FOXP2: variants seen among roughly 807,000 people sequenced by gnomAD.
The protein encoded by FOXP2 is forkhead box protein P2.
A neutral mutation model predicts 115.8 loss-of-function variants in FOXP2; 12 were observed. The ratio of observed to expected loss-of-function variants is 0.10; its 90% confidence interval spans 0.07 to 0.17. The LOEUF (loss-of-function observed/expected upper bound fraction) is 0.17, where lower values mean the gene tolerates loss of function less well. FOXP2 is among the 10% of genes least tolerant of loss of function. FOXP2 has a pLI of 1.00. For missense variants in FOXP2, 629 were observed against 843.5 expected, an observed-to-expected ratio of 0.75 and a Z score of 3.15; for synonymous variants, 328 against 297.7, an observed-to-expected ratio of 1.10 and a Z score of -1.05.
chr7:114,536,936 C>T (rs1227578903), intron 3 of FOXP2, among the ~76,000 whole-genome samples: 1 of 151,440 alleles, frequency 6.6e-6, no homozygotes, highest in African/African-American at 2.4e-5. Context: ...AGCTTAGCAA[C>T]TGGAGACACG....
chr7:114,155,285 A>G (rs948267752), intron 1 of FOXP2, among the ~76,000 whole-genome samples: 1 of 152,080 alleles, frequency 6.6e-6, no homozygotes, highest in Non-Finnish European at 1.5e-5. Context: ...ATGCCTCATT[A>G]TATCCTCTTC....
At chr7:114,323,133 A>G (rs972887003) in intron 2 of FOXP2, among the ~76,000 whole-genome samples, 6 of 152,146 alleles carry the variant, frequency 3.9e-5, no homozygotes, top group Non-Finnish European at 7.4e-5. Context: ...GTTTTCTACC[A>G]TCTATGGGTA....
At chr7:114,509,688 A>G (rs902595500) in intron 2 of FOXP2, among the ~76,000 whole-genome samples, 1 of 151,474 alleles carries the variant, frequency 6.6e-6, no homozygotes, top group Admixed American at 6.6e-5. Context: ...GGGCTTGTTA[A>G]TAAGGAGTTC....
chr7:114,212,122 A>AATAATAT (rs67192679), intron 1 of FOXP2, among the ~76,000 whole-genome samples: 5 of 131,016 alleles, frequency 3.8e-5, no homozygotes, highest in Non-Finnish European at 8.0e-5. Flanking sequence ...AATAAAATAA[A>AATAATAT]ATATATATAT....
At chr7:114,575,920 C>A (rs1306168431) in intron 3 of FOXP2, among the ~76,000 whole-genome samples, 1 of 151,724 alleles carries the variant, frequency 6.6e-6, no homozygotes, top group African/African-American at 2.4e-5. Flanking sequence ...TTTATAAAAG[C>A]TGTTTACAGT....
At chr7:114,505,868 A>T (rs538950113) in intron 2 of FOXP2, among the ~76,000 whole-genome samples, 1 of 151,676 alleles carries the variant, frequency 6.6e-6, no homozygotes, top group Non-Finnish European at 1.5e-5. Flanking sequence ...GACCTGCTGT[A>T]TATTTCTATG....
intron 1 of FOXP2, among the ~76,000 whole-genome samples, chr7:114,251,909 A>G (rs1443766712): frequency 6.6e-6 from 1 of 152,186 alleles, no homozygotes; most frequent in African/African-American, 2.4e-5. Context: ...CCCATTCAGT[A>G]TGATATTGGC....
chr7:114,502,947 A>G (rs905689962), intron 2 of FOXP2, among the ~76,000 whole-genome samples: 1 of 152,062 alleles, frequency 6.6e-6, no homozygotes, highest in African/African-American at 2.4e-5. Flanking sequence ...GATGCAAGGG[A>G]AAGGCAAATA....
chr7:114,166,653 C>A (rs1270227082), intron 1 of FOXP2, among the ~76,000 whole-genome samples: 1 of 152,024 alleles, frequency 6.6e-6, no homozygotes, highest in Admixed American at 6.6e-5. Context: ...TGCAATGAAC[C>A]AAGATTGCGC....
chr7:114,404,116 G>T (rs1411733519), intron 2 of FOXP2, among the ~76,000 whole-genome samples: 2 of 152,080 alleles, frequency 1.3e-5, no homozygotes, highest in Non-Finnish European at 2.9e-5. Flanking sequence ...ACAGGTAGAG[G>T]TGCAATTGGG....
intron 10 of FOXP2, chr7:114,654,259 C>T: frequency 1.2e-6 from 1 of 824,406 alleles, no homozygotes; most frequent in Admixed American, 3.2e-5. Context: ...AAATCACTGC[C>T]TTGGGGCTGA....
intron 2 of FOXP2, among the ~76,000 whole-genome samples, chr7:114,396,554 T>G (rs1164906395): frequency 6.6e-6 from 1 of 152,066 alleles, no homozygotes; most frequent in Non-Finnish European, 1.5e-5. Context: ...TTTTTTTTAG[T>G]AACTTCCATA....
intron 3 of FOXP2, among the ~76,000 whole-genome samples, chr7:114,604,506 T>C (rs868092800): frequency 6.6e-5 from 10 of 152,318 alleles, no homozygotes; most frequent in Middle Eastern, 3.4e-3. Flanking sequence ...ATTCAAATAT[T>C]TTTACAGTTT....
At position 114,440,898 on chromosome 7, in the gene FOXP2, G is replaced by T. The variant is rs1584738738; in HGVS notation, c.168+14219G>T. 1.3e-5 allele frequency among the ~76,000 whole-genome samples: 2 copies of T among 151,974 alleles called. 1 individual carries two copies. Among genetic ancestry groups the T allele is most frequent in the South Asian group, 4.1e-4 (2 of 4,826 alleles). On this transcript the variant is annotated intron_variant, in intron 2 of 16. Coordinates refer to ENST00000350908, the MANE Select transcript of FOXP2 (RefSeq NM_014491.4). Reference sequence around the variant, plus strand: ...AATAGAACCAAAAAAAGAAGAGAAGGAAAAGAAAAGAAACATGGAATGGAT... The same window carrying T: ...AATAGAACCAAAAAAAGAAGAGAAGTAAAAGAAAAGAAACATGGAATGGAT...
At chr7:114,433,928 T>A (rs1794223548) in intron 2 of FOXP2, among the ~76,000 whole-genome samples, 1 of 151,950 alleles carries the variant, frequency 6.6e-6, no homozygotes, top group African/African-American at 2.4e-5. Flanking sequence ...TCTAAATTCA[T>A]CTGGCAAAAG....
intron 1 of FOXP2, among the ~76,000 whole-genome samples, chr7:114,121,075 T>C (rs1295421259): frequency 3.3e-5 from 5 of 152,072 alleles, no homozygotes; most frequent in Non-Finnish European, 4.4e-5. Context: ...ATGGACTGAA[T>C]GTTTACGTTC....
At chr7:114,429,600 A>C (rs970658193) in intron 2 of FOXP2, among the ~76,000 whole-genome samples, 1 of 151,554 alleles carries the variant, frequency 6.6e-6, no homozygotes, top group Non-Finnish European at 1.5e-5. Context: ...ACTAAGGTCA[A>C]AATAGTTGCT....
chr7:114,370,110 C>T (rs2694944), intron 2 of FOXP2, among the ~76,000 whole-genome samples: 63,084 of 151,964 alleles, frequency 0.42, 14,163 homozygotes, highest in East Asian at 0.86. Context: ...TTGTATGGCC[C>T]CTGCTTTATG....
intron 1 of FOXP2, among the ~76,000 whole-genome samples, chr7:114,231,311 A>T (rs1794870788): frequency 6.6e-6 from 1 of 152,178 alleles, no homozygotes; most frequent in African/African-American, 2.4e-5. Context: ...AGCAATCTAC[A>T]GATTTATTGC....
Sources: gnomAD v4.1 joint callset for allele counts (sites outside exome capture counted in the v4.1 genomes callset) on GRCh38, gnomAD v4.1.1 for gene constraint, MANE v1.5 for transcripts, NCBI Gene and HGNC (gene_info 2026-07-23, HGNC 2026-07-21) for gene names.